Variants in DLG2 observed in about 807,000 individuals in gnomAD.
The protein encoded by DLG2 is discs large MAGUK scaffold protein 2, also known as disks large homolog 2.
Under a neutral mutation model 132.5 loss-of-function variants are expected in DLG2, and 45 were observed. The observed-to-expected ratio is 0.34, with a 90% CI of 0.27 to 0.44. The LOEUF is 0.44. Among genes scored for constraint, DLG2 ranks in the 20% least tolerant of loss-of-function variants. The pLI, the probability that DLG2 is intolerant of heterozygous loss-of-function variation, is 1.00. For missense variants in DLG2, 1,045 were observed against 1,196.9 expected (o/e 0.87, Z 1.87); for synonymous variants, 424 against 419.6 (o/e 1.01, Z -0.13).
At chr11:83,473,259 A>G (rs1239783178) in intron 22 of DLG2, among the ~76,000 whole-genome samples, 1 of 152,138 alleles carries the variant, frequency 6.6e-6, no homozygotes, top group Non-Finnish European at 1.5e-5. Context: ...TCATCAGGAC[A>G]CTCAGGGTTT....
At chr11:84,789,393 C>A (rs549014292) in intron 6 of DLG2, among the ~76,000 whole-genome samples, 8 of 152,150 alleles carry the variant, frequency 5.3e-5, no homozygotes, top group African/African-American at 1.7e-4. Flanking sequence ...CATTTTAGGA[C>A]AAAGCTTTAT....
chr11:85,423,012 A>G (rs1393157796), intron 3 of DLG2, among the ~76,000 whole-genome samples: 1 of 151,708 alleles, frequency 6.6e-6, no homozygotes, highest in African/African-American at 2.4e-5. Flanking sequence ...GGTGTTAAAG[A>G]ACCTTGTTTT....
chr11:84,381,521 T>C (rs941577451), intron 7 of DLG2, among the ~76,000 whole-genome samples: 2 of 152,192 alleles, frequency 1.3e-5, no homozygotes, highest in African/African-American at 4.8e-5. Context: ...GTTGACTTTA[T>C]TTCAGAATGT....
At chr11:84,872,758 A>G (rs2085673212) in intron 6 of DLG2, among the ~76,000 whole-genome samples, 1 of 152,226 alleles carries the variant, frequency 6.6e-6, no homozygotes, top group Non-Finnish European at 1.5e-5. Context: ...CAGTTTCACA[A>G]GGTAATTTCT....
chr11:84,629,203 C>G (rs533161121), intron 6 of DLG2, among the ~76,000 whole-genome samples: 1 of 152,202 alleles, frequency 6.6e-6, no homozygotes, highest in Middle Eastern at 3.2e-3. Flanking sequence ...TAAACAAATT[C>G]TGCAACCCCT....
intron 3 of DLG2, among the ~76,000 whole-genome samples, chr11:85,373,124 G>A (rs2085120323): frequency 6.6e-6 from 1 of 152,174 alleles, no homozygotes. Context: ...TGGGCTTAGG[G>A]AAGGGAACCC....
intron 11 of DLG2, among the ~76,000 whole-genome samples, chr11:84,029,419 A>T (rs2154088612): frequency 6.6e-6 from 1 of 152,180 alleles, no homozygotes; most frequent in Non-Finnish European, 1.5e-5. Context: ...CTCTTTGCAG[A>T]AATGAGAAAA....
At chr11:83,725,607 G>A (rs1444650518) in intron 18 of DLG2, among the ~76,000 whole-genome samples, 1 of 152,188 alleles carries the variant, frequency 6.6e-6, no homozygotes, top group Non-Finnish European at 1.5e-5. Flanking sequence ...CATTTAATTT[G>A]AACCAGGAAA....
chr11:85,480,871 T>C (rs1218503206), intron 3 of DLG2, among the ~76,000 whole-genome samples: 2 of 152,266 alleles, frequency 1.3e-5, no homozygotes, highest in African/African-American at 4.8e-5. Context: ...CCTGCACACA[T>C]GCAAAAAAAA....
intron 15 of DLG2, among the ~76,000 whole-genome samples, chr11:83,896,181 G>A (rs751268897): frequency 2.7e-4 from 41 of 152,100 alleles, no homozygotes; most frequent in Non-Finnish European, 2.2e-4. Flanking sequence ...AGAATACAGT[G>A]GTGAAACTTA....
intron 6 of DLG2, among the ~76,000 whole-genome samples, chr11:84,671,825 G>A (rs1336519776): frequency 6.6e-6 from 1 of 152,152 alleles, no homozygotes; most frequent in Non-Finnish European, 1.5e-5. Context: ...TGGGAACTAA[G>A]TAAAGGACAG....
intron 14 of DLG2, among the ~76,000 whole-genome samples, chr11:83,956,416 G>A (rs905223607): frequency 2.0e-5 from 3 of 152,200 alleles, no homozygotes; most frequent in African/African-American, 7.2e-5. Context: ...CTGGGGCTAT[G>A]GGATTATGGG....
intron 18 of DLG2, among the ~76,000 whole-genome samples, chr11:83,728,883 T>A (rs770989596): frequency 6.6e-6 from 1 of 152,258 alleles, no homozygotes; most frequent in Non-Finnish European, 1.5e-5. Flanking sequence ...AAAACCGTGA[T>A]ACACAGTTGT....
intron 5 of DLG2, among the ~76,000 whole-genome samples, chr11:85,147,096 G>A (rs1198664345): frequency 6.6e-6 from 1 of 152,138 alleles, no homozygotes; most frequent in Non-Finnish European, 1.5e-5. Flanking sequence ...GTTGGGGAAG[G>A]GTGGTATAGG....
chr11:85,246,668 T>A (rs530138690), intron 4 of DLG2, among the ~76,000 whole-genome samples: 3 of 152,032 alleles, frequency 2.0e-5, no homozygotes, highest in Admixed American at 1.3e-4. Flanking sequence ...AATCTACATG[T>A]CTTCATGAGA....
intron 7 of DLG2, among the ~76,000 whole-genome samples, chr11:84,330,824 T>G (rs938608634): frequency 6.6e-6 from 1 of 152,206 alleles, no homozygotes; most frequent in Non-Finnish European, 1.5e-5. Flanking sequence ...TCCCCTTATT[T>G]CATTTCTAGG....
chr11:85,400,250 T>C (rs1352222345), intron 3 of DLG2, among the ~76,000 whole-genome samples: 2 of 150,964 alleles, frequency 1.3e-5, no homozygotes, highest in African/African-American at 2.4e-5. Context: ...TCACACCAGT[T>C]AGAATGGCTA....
intron 7 of DLG2, among the ~76,000 whole-genome samples, chr11:84,408,017 C>T (rs1333969756): frequency 6.6e-6 from 1 of 152,048 alleles, no homozygotes; most frequent in East Asian, 1.9e-4. Flanking sequence ...TTTTCAAGGA[C>T]CTAGATGTAT....
intron 6 of DLG2, among the ~76,000 whole-genome samples, chr11:84,540,554 A>G (rs577836927): frequency 1.3e-5 from 2 of 152,268 alleles, no homozygotes; most frequent in African/African-American, 2.4e-5. Flanking sequence ...GGTGCTGGAG[A>G]CGATGTGGAG....
Sources: allele counts gnomAD v4.1 joint callset (sites outside exome capture counted in the v4.1 genomes callset), GRCh38; gene constraint gnomAD v4.1.1; transcripts MANE v1.5; gene names NCBI Gene and HGNC (gene_info 2026-07-23, HGNC 2026-07-21).